TCF7L2: variants seen among roughly 807,000 people sequenced by gnomAD.
The protein encoded by TCF7L2 is transcription factor 7-like 2.
TCF7L2 carries 23 observed loss-of-function variants against 77.9 expected under a neutral mutation model. The ratio of observed to expected loss-of-function variants is 0.30; its 90% CI spans 0.21 to 0.42. TCF7L2 has a LOEUF of 0.42. Ranked by LOEUF, TCF7L2 falls within the 10% of genes least tolerant of loss-of-function variation. TCF7L2 has a pLI of 1.00. For missense variants in TCF7L2, 654 were observed against 793.1 expected, an observed-to-expected ratio of 0.82 and a Z score of 2.11; for synonymous variants, 413 against 340.2, an observed-to-expected ratio of 1.21 and a Z score of -2.36.
chr10:113,028,317 G>C (rs1391275241), intron 4 of TCF7L2, among the ~76,000 whole-genome samples: 1 of 152,142 alleles, frequency 6.6e-6, no homozygotes, highest in East Asian at 1.9e-4. Context: ...CTTGCATGCA[G>C]GGGGGTCGTG....
chr10:112,985,671 CT>C (rs927505315), intron 4 of TCF7L2, among the ~76,000 whole-genome samples: 6 of 151,900 alleles, frequency 3.9e-5, no homozygotes, highest in African/African-American at 1.2e-4. Flanking sequence ...GGCAGCCTTG[CT>C]TTTTTTTGGG....
intron 4 of TCF7L2, 87 bp from the exon 5 acceptor site, chr10:113,039,938 A>G (rs1214873250): frequency 2.6e-6 from 3 of 1,154,800 alleles, no homozygotes; most frequent in South Asian, 2.8e-5. Flanking sequence ...TTTCTGACCC[A>G]TGTCACAGTT....
chr10:112,996,047 T>G (rs1471903087), intron 4 of TCF7L2, among the ~76,000 whole-genome samples: 1 of 152,234 alleles, frequency 6.6e-6, no homozygotes, highest in African/African-American at 2.4e-5. Context: ...CTAAGGACTT[T>G]ACATTCATTA....
At chr10:113,106,054 C>T (rs2062271089) in intron 5 of TCF7L2, among the ~76,000 whole-genome samples, 2 of 152,138 alleles carry the variant, frequency 1.3e-5, no homozygotes, top group African/African-American at 4.8e-5. Context: ...CAAATGGGCT[C>T]TGAGGTACTC....
intron 5 of TCF7L2, among the ~76,000 whole-genome samples, chr10:113,090,720 C>T (rs895615101): frequency 6.6e-6 from 1 of 152,356 alleles, no homozygotes; most frequent in Admixed American, 6.5e-5. Context: ...AGCGATTCGC[C>T]TGCCTCAGCC....
At chr10:113,136,487 A>T (rs1273670978) in intron 5 of TCF7L2, among the ~76,000 whole-genome samples, 2 of 152,210 alleles carry the variant, frequency 1.3e-5, no homozygotes, top group Non-Finnish European at 2.9e-5. Flanking sequence ...AGTTCAGTAC[A>T]GCAACGCAGG....
chr10:112,965,945 G>C (rs985353480), intron 4 of TCF7L2, among the ~76,000 whole-genome samples: 1 of 151,556 alleles, frequency 6.6e-6, no homozygotes, highest in African/African-American at 2.4e-5. Context: ...AGGCTGAGGC[G>C]GGCGGATCAC....
intron 5 of TCF7L2, among the ~76,000 whole-genome samples, chr10:113,048,475 T>C (rs946913832): frequency 4.6e-5 from 7 of 152,088 alleles, no homozygotes; most frequent in Non-Finnish European, 5.9e-5. Context: ...GGGACTGGAG[T>C]TGATTTCGTT....
chr10:113,129,950 A>C (rs781135062), intron 5 of TCF7L2: 28 of 1,292,490 alleles, frequency 2.2e-5, no homozygotes, highest in Non-Finnish European at 2.8e-5. Context: ...TCTCTGTTCC[A>C]GCAGTTGGGC....
chr10:113,087,289 A>G (rs2059933124), intron 5 of TCF7L2, among the ~76,000 whole-genome samples: 1 of 152,220 alleles, frequency 6.6e-6, no homozygotes. Flanking sequence ...TGTGGCAACC[A>G]TGGATACATT....
intron 5 of TCF7L2, among the ~76,000 whole-genome samples, chr10:113,055,249 A>G (rs960488321): frequency 2.6e-5 from 4 of 152,242 alleles, no homozygotes; most frequent in Admixed American, 2.6e-4. Flanking sequence ...CATCACCAGC[A>G]TATAAACTCT....
intron 5 of TCF7L2, chr10:113,126,584 C>T (rs2065648460): frequency 1.0e-6 from 1 of 985,094 alleles, no homozygotes; most frequent in African/African-American, 1.7e-5. Flanking sequence ...AACGCCCCCT[C>T]CCTTTTGTGG....
intron 4 of TCF7L2, among the ~76,000 whole-genome samples, chr10:113,020,454 C>T (rs1315162116): frequency 6.6e-6 from 1 of 152,168 alleles, no homozygotes; most frequent in Non-Finnish European, 1.5e-5. Flanking sequence ...CCTGTTCACA[C>T]CCTCCTCCTA....
At position 113,151,402 on chromosome 10, in the gene TCF7L2, A is replaced by G. The variant is rs951387751; in HGVS notation, c.1001+279A>G. 2.0e-5 allele frequency among the ~76,000 whole-genome samples: 3 copies of G among 152,146 alleles called. No homozygotes were observed. The highest frequency in any genetic ancestry group is 7.2e-5 in the African/African-American group (3 of 41,442). ...CACTTCCCTGCCCCCTAACCGCATCATTGAACATTTAGAGCTTTGTTCTGC... is the reference window on the plus strand; with the variant it reads ...CACTTCCCTGCCCCCTAACCGCATCGTTGAACATTTAGAGCTTTGTTCTGC... On this transcript the variant is annotated intron_variant, in intron 9 of 13. Transcript: ENST00000627217. The surrounding 1 kb of genome is among the most constrained non-coding windows in gnomAD (Gnocchi z 5.2).
chr10:113,096,759 C>G (rs527655516), intron 5 of TCF7L2, among the ~76,000 whole-genome samples: 1 of 152,204 alleles, frequency 6.6e-6, no homozygotes, highest in Non-Finnish European at 1.5e-5. Flanking sequence ...GAGAAAAGCT[C>G]TTGGCTGGGA....
intron 5 of TCF7L2, chr10:113,089,628 GC>G: frequency 6.7e-7 from 1 of 1,498,996 alleles, no homozygotes; most frequent in Non-Finnish European, 9.0e-7. Flanking sequence ...CTAGGGCAGG[GC>G]CCATCCACTG....
intron 3 of TCF7L2, 22 bp downstream of exon 3, chr10:112,951,629 C>CCCCGCCCGCTGCCCGCCCG: frequency 8.7e-7 from 1 of 1,145,156 alleles, no homozygotes; most frequent in Non-Finnish European, 1.1e-6. Flanking sequence ...CGCGCCCGGC[C>CCCCGCCCGCTGCCCGCCCG]CCCGCCCGCT....
rs367830400 is a variant in TCF7L2, at chr10:113,138,301, T to A, written c.553-2883T>A. On this transcript the variant is annotated intron_variant, in intron 5 of 13. Coordinates refer to ENST00000627217, the MANE Select transcript of TCF7L2 (RefSeq NM_001146274.2). Reference sequence around the variant, plus strand: ...TAGTTTTGACTGAACAGGAAAAAACTAGTTGGCTAGGCTCAGGTGTGCAAA... The same window carrying A: ...TAGTTTTGACTGAACAGGAAAAAACAAGTTGGCTAGGCTCAGGTGTGCAAA... Among the ~76,000 whole-genome samples, 19 of 109,296 alleles carry A rather than the reference T, an allele frequency of 1.7e-4. No individual in the cohort carries two copies. In the East Asian group the frequency reaches 2.9e-3, roughly 17 times the overall value. 71.7% of individuals were successfully genotyped at this position (109,296 alleles called of 152,430 possible).
chr10:113,043,169 T>C (rs1485476741), intron 5 of TCF7L2, among the ~76,000 whole-genome samples: 1 of 152,266 alleles, frequency 6.6e-6, no homozygotes, highest in Non-Finnish European at 1.5e-5. Context: ...GTGTTGATTA[T>C]TAATCATTCG....
Sources: gnomAD v4.1 joint callset for allele counts (sites outside exome capture counted in the v4.1 genomes callset) on GRCh38, gnomAD v4.1.1 for gene constraint, Gnocchi (gnomAD v3.1) non-coding constraint, MANE v1.5 for transcripts, NCBI Gene and HGNC (gene_info 2026-07-23, HGNC 2026-07-21) for gene names.